LINGO1: variants seen among roughly 807,000 people sequenced by gnomAD.
LINGO1 encodes leucine-rich repeat and immunoglobulin-like domain-containing nogo receptor-interacting protein 1.
LINGO1 carries 11 observed loss-of-function variants against 37.3 expected under a neutral mutation model. The observed-to-expected ratio is 0.29, with a 90% confidence interval of 0.19 to 0.49. The LOEUF (loss-of-function observed/expected upper bound fraction) is 0.49, where lower values mean the gene tolerates loss of function less well. Among genes scored for constraint, LINGO1 ranks in the 20% least tolerant of loss-of-function variants. The pLI, the probability that LINGO1 is intolerant of heterozygous loss-of-function variation, is 0.99. For synonymous variants in LINGO1, 387 were observed against 403.0 expected (o/e 0.96, Z 0.48); for missense variants, 585 against 878.2 (o/e 0.67, Z 4.22).
At position 77,615,315 on chromosome 15, in the gene LINGO1, G is replaced by A. The variant is rs747637832; in HGVS notation, c.592C>T (p.Leu198=). The A allele has an allele frequency of 6.2e-7, 1 of 1,613,820 alleles. No homozygotes were observed. Among genetic ancestry groups the A allele is most frequent in the Non-Finnish European group, 8.5e-7 (1 of 1,179,892 alleles). The change falls in exon 2 of 2, where the codon CTG becomes TTG. Residue 198 remains leucine (L), a synonymous_variant. Coordinates refer to ENST00000355300, the MANE Select transcript of LINGO1 (RefSeq NM_032808.7). Reference sequence around the variant, plus strand: ...ATGGAGGTCAGGTTGCATTTCTCCAGCGTCAGCTGCTCCAGGCTGTTGAGG... The same window carrying A: ...ATGGAGGTCAGGTTGCATTTCTCCAACGTCAGCTGCTCCAGGCTGTTGAGG... ...SGLNSLEQLT[L]EKCNLTSIPT...
chr15:77,799,362 G>A (rs778459030), intron 1 of LINGO1, among the ~76,000 whole-genome samples: 1 of 152,148 alleles, frequency 6.6e-6, no homozygotes, highest in Non-Finnish European at 1.5e-5. Flanking sequence ...GCACTTCTGA[G>A]CCATGCTTCT....
intron 2 of LINGO1, among the ~76,000 whole-genome samples, chr15:77,702,240 T>C (rs1232172200): frequency 6.6e-6 from 1 of 152,152 alleles, no homozygotes; most frequent in Non-Finnish European, 1.5e-5. Context: ...TGTCTTGCCC[T>C]CTCTGGTTCC....
intron 1 of LINGO1, among the ~76,000 whole-genome samples, chr15:77,779,894 T>C (rs1486414571): frequency 6.6e-6 from 1 of 152,138 alleles, no homozygotes; most frequent in Non-Finnish European, 1.5e-5. Context: ...TAGGCTAGCA[T>C]GGAGCCAGGC....
intron 1 of LINGO1, among the ~76,000 whole-genome samples, chr15:77,777,484 C>CACAT (rs1192273515): frequency 5.5e-5 from 6 of 108,888 alleles, no homozygotes. Context: ...CACACACACA[C>CACAT]ACACACACAC....
chr15:77,761,680 A>C (rs187906426), intron 1 of LINGO1, among the ~76,000 whole-genome samples: 1 of 152,342 alleles, frequency 6.6e-6, no homozygotes, highest in East Asian at 1.9e-4. Flanking sequence ...CAGGAGTTGC[A>C]GAAGAAAAGG....
At chr15:77,794,811 C>T (rs1167197923) in intron 2 of LINGO1, among the ~76,000 whole-genome samples, 1 of 151,836 alleles carries the variant, frequency 6.6e-6, no homozygotes, top group African/African-American at 2.4e-5. Flanking sequence ...AGGATGGTCT[C>T]GATCTCCTGA....
At chr15:77,658,535 G>A (rs765244603) in intron 3 of LINGO1, among the ~76,000 whole-genome samples, 3 of 152,218 alleles carry the variant, frequency 2.0e-5, no homozygotes, top group Non-Finnish European at 4.4e-5. Context: ...GAAGGCAGCC[G>A]ATCCGCAAGT....
chr15:77,664,130 A>AGTGTGTGTGTGTGTGTGTGTGTGTGT (rs774494605), intron 3 of LINGO1, among the ~76,000 whole-genome samples: 16 of 130,366 alleles, frequency 1.2e-4, no homozygotes, highest in African/African-American at 5.0e-4. Flanking sequence ...ACACAGGAGC[A>AGTGTGTGTGTGTGTGTGTGTGTGTGT]GTGTGTGTGT....
chr15:77,760,886 C>T (rs1475664610), intron 1 of LINGO1, among the ~76,000 whole-genome samples: 2 of 134,076 alleles, frequency 1.5e-5, no homozygotes, highest in African/African-American at 5.9e-5. Context: ...TGCTAAAAAG[C>T]TTTATTTTGT....
intron 1 of LINGO1, among the ~76,000 whole-genome samples, chr15:77,745,973 C>T (rs1567560067): frequency 1.3e-5 from 2 of 151,734 alleles, no homozygotes; most frequent in South Asian, 2.1e-4. Flanking sequence ...CTCACATCTG[C>T]AATCTCAGCA....
chr15:77,783,118 G>C (rs2076737103), intron 1 of LINGO1, among the ~76,000 whole-genome samples: 1 of 152,036 alleles, frequency 6.6e-6, no homozygotes, highest in Admixed American at 6.5e-5. Flanking sequence ...CCATCGCCTG[G>C]ATGCCCATCG....
chr15:77,653,166 C>T (rs1295796595), intron 3 of LINGO1, among the ~76,000 whole-genome samples: 1 of 152,212 alleles, frequency 6.6e-6, no homozygotes, highest in Non-Finnish European at 1.5e-5. Flanking sequence ...GTTTTGGACT[C>T]AAGGTTGATG....
chr15:77,770,967 C>T (rs1337930261), intron 1 of LINGO1, among the ~76,000 whole-genome samples: 1 of 152,206 alleles, frequency 6.6e-6, no homozygotes, highest in Non-Finnish European at 1.5e-5. Context: ...TGACCCTTCT[C>T]GGGGCTCAAA....
At chr15:77,732,499 T>C (rs941898539) in intron 2 of LINGO1, among the ~76,000 whole-genome samples, 1 of 152,224 alleles carries the variant, frequency 6.6e-6, no homozygotes, top group African/African-American at 2.4e-5. Flanking sequence ...CTGGTGGTGA[T>C]GATGGGGTGG....
At chr15:77,789,131 G>A (rs1341954090), upstream of LINGO1, among the ~76,000 whole-genome samples, 4 of 152,104 alleles carry the variant, frequency 2.6e-5, no homozygotes, top group Admixed American at 6.5e-5. Context: ...AGCTCTAGTC[G>A]CCTGCTGTTA....
At chr15:77,738,786 AG>A (rs2076228869) in intron 1 of LINGO1, among the ~76,000 whole-genome samples, 1 of 151,804 alleles carries the variant, frequency 6.6e-6, no homozygotes, top group Non-Finnish European at 1.5e-5. Flanking sequence ...GAAGGAAGGA[AG>A]GAAGGAAGGA....
chr15:77,674,406 C>A (rs1383490019), intron 3 of LINGO1, among the ~76,000 whole-genome samples: 2 of 152,224 alleles, frequency 1.3e-5, no homozygotes, highest in African/African-American at 4.8e-5. Flanking sequence ...CATGTCACTA[C>A]GCAGAACCTT....
intron 1 of LINGO1, among the ~76,000 whole-genome samples, chr15:77,816,170 T>C (rs905265621): frequency 2.6e-5 from 4 of 152,216 alleles, no homozygotes; most frequent in African/African-American, 9.7e-5. Flanking sequence ...CCGGCTTCAC[T>C]AATACTCAGA....
chr15:77,674,038 T>C (rs2075291507), intron 3 of LINGO1, among the ~76,000 whole-genome samples: 1 of 151,992 alleles, frequency 6.6e-6, no homozygotes. Flanking sequence ...TGTTCAGCAC[T>C]CCTGTCCACC....
Sources: gnomAD v4.1 joint callset for allele counts (sites outside exome capture counted in the v4.1 genomes callset) on GRCh38, gnomAD v4.1.1 for gene constraint, MANE v1.5 for transcripts, NCBI Gene and HGNC (gene_info 2026-07-23, HGNC 2026-07-21) for gene names.